ROBO2: variants seen among roughly 807,000 people sequenced by gnomAD.
ROBO2 encodes the protein roundabout homolog 2.
A neutral mutation model predicts 160.8 loss-of-function variants in ROBO2; 53 were observed. That is an observed-to-expected ratio of 0.33 (90% CI 0.26 to 0.41). The LOEUF is 0.41. Ranked by LOEUF, ROBO2 falls within the 10% of genes least tolerant of loss-of-function variation. The probability of loss-of-function intolerance (pLI) is 1.00; values close to 1 mark genes in which losing one functional copy is unlikely to be tolerated. For missense variants in ROBO2, 1,577 were observed against 1,722.4 expected (o/e 0.92, Z 1.49); for synonymous variants, 664 against 611.7 (o/e 1.09, Z -1.26).
intron 2 of ROBO2, among the ~76,000 whole-genome samples, chr3:77,295,042 T>C (rs1053404975): frequency 2.7e-5 from 4 of 149,916 alleles, no homozygotes; most frequent in African/African-American, 9.9e-5. Flanking sequence ...TAAAGAAAAA[T>C]TGATGCTTAA....
At chr3:77,002,615 T>C (rs531337570) in intron 2 of ROBO2, among the ~76,000 whole-genome samples, 83 of 152,192 alleles carry the variant, frequency 5.5e-4, no homozygotes, top group Non-Finnish European at 1.2e-3. Flanking sequence ...TACACAAATA[T>C]AATAATTCAT....
intron 2 of ROBO2, among the ~76,000 whole-genome samples, chr3:76,522,898 A>T (rs2081711614): frequency 6.6e-6 from 1 of 151,558 alleles, no homozygotes; most frequent in African/African-American, 2.4e-5. Context: ...TTTATCTTAT[A>T]TGTGATGATT....
intron 2 of ROBO2, among the ~76,000 whole-genome samples, chr3:77,300,607 G>A (rs1390565234): frequency 6.6e-6 from 1 of 151,812 alleles, no homozygotes; most frequent in African/African-American, 2.4e-5. Context: ...AGAGGAAGAG[G>A]AAATTGCGAG....
At chr3:76,478,625 A>T (rs2079055414) in intron 2 of ROBO2, among the ~76,000 whole-genome samples, 1 of 151,708 alleles carries the variant, frequency 6.6e-6, no homozygotes, top group Non-Finnish European at 1.5e-5. Context: ...TTAAATGTGC[A>T]TTAAACAGTT....
chr3:77,296,819 C>T (rs1163367436), intron 2 of ROBO2, among the ~76,000 whole-genome samples: 1 of 152,056 alleles, frequency 6.6e-6, no homozygotes, highest in Non-Finnish European at 1.5e-5. Flanking sequence ...GAATAGCTGG[C>T]CAAGAAGAAG....
intron 2 of ROBO2, among the ~76,000 whole-genome samples, chr3:77,140,825 G>A (rs78475806): frequency 0.016 from 2,489 of 151,876 alleles, 25 homozygotes; most frequent in African/African-American, 0.027. Context: ...TACTTTTTAG[G>A]GGCTTTCTGT....
intron 1 of ROBO2, among the ~76,000 whole-genome samples, chr3:77,064,136 C>T (rs555579167): frequency 5.3e-5 from 8 of 151,996 alleles, no homozygotes; most frequent in Non-Finnish European, 1.2e-4. Flanking sequence ...ACTTATTATG[C>T]TTTTTGTTAT....
At chr3:76,005,594 T>C (rs1412804841) in intron 2 of ROBO2, among the ~76,000 whole-genome samples, 1 of 152,226 alleles carries the variant, frequency 6.6e-6, no homozygotes, top group East Asian at 1.9e-4. Flanking sequence ...ATGGATAGAC[T>C]TGACCTACAG....
intron 1 of ROBO2, among the ~76,000 whole-genome samples, chr3:75,936,978 T>C (rs1947811453): frequency 6.6e-6 from 1 of 152,098 alleles, no homozygotes; most frequent in Non-Finnish European, 1.5e-5. Context: ...AATCTCTTTA[T>C]TCAGTTAATT....
intron 2 of ROBO2, among the ~76,000 whole-genome samples, chr3:76,358,237 C>G (rs890160068): frequency 6.6e-6 from 1 of 151,910 alleles, no homozygotes; most frequent in Non-Finnish European, 1.5e-5. Context: ...TAGAGATTTG[C>G]TTCATTTTTC....
At chr3:76,083,848 C>G (rs2068920121) in intron 2 of ROBO2, among the ~76,000 whole-genome samples, 1 of 152,126 alleles carries the variant, frequency 6.6e-6, no homozygotes, top group African/African-American at 2.4e-5. Context: ...CACCAAAATT[C>G]CATTATGGCA....
chr3:77,253,495 A>G (rs2090609135), intron 2 of ROBO2, among the ~76,000 whole-genome samples: 1 of 152,238 alleles, frequency 6.6e-6, no homozygotes, highest in African/African-American at 2.4e-5. Context: ...ATCTTTTAAA[A>G]AAATTAAATC....
chr3:76,280,348 T>C (rs1708165263), intron 2 of ROBO2, among the ~76,000 whole-genome samples: 1 of 152,058 alleles, frequency 6.6e-6, no homozygotes, highest in South Asian at 2.1e-4. Flanking sequence ...TTAAATGAAT[T>C]CATAAGGGCA....
intron 2 of ROBO2, among the ~76,000 whole-genome samples, chr3:76,487,014 A>T (rs895837642): frequency 3.3e-5 from 5 of 152,126 alleles, no homozygotes. Context: ...TTGTCCCCCA[A>T]GTTGGAGTGC....
chr3:76,331,863 T>G (rs567292870), intron 2 of ROBO2, among the ~76,000 whole-genome samples: 1 of 152,088 alleles, frequency 6.6e-6, no homozygotes, highest in Non-Finnish European at 1.5e-5. Flanking sequence ...TTTGTATTTT[T>G]AGTAGAGACG....
chr3:76,340,205 T>C (rs1024527574), intron 2 of ROBO2, among the ~76,000 whole-genome samples: 2 of 151,802 alleles, frequency 1.3e-5, no homozygotes, highest in African/African-American at 4.8e-5. Context: ...ACTTGAAAAA[T>C]ACAAAGATGA....
chr3:77,041,981 G>C (rs1445865422), intron 1 of ROBO2, among the ~76,000 whole-genome samples: 2 of 152,118 alleles, frequency 1.3e-5, no homozygotes, highest in Non-Finnish European at 2.9e-5. Context: ...TGCCTATTTT[G>C]GCCCATCTGA....
At chr3:77,009,113 A>G (rs966092181) in intron 2 of ROBO2, among the ~76,000 whole-genome samples, 3 of 152,344 alleles carry the variant, frequency 2.0e-5, no homozygotes, top group Non-Finnish European at 4.4e-5. Flanking sequence ...GTAAGATTAA[A>G]TGAGATAATC....
At chr3:76,321,840 T>C (rs994029420) in intron 2 of ROBO2, among the ~76,000 whole-genome samples, 1 of 152,138 alleles carries the variant, frequency 6.6e-6, no homozygotes, top group African/African-American at 2.4e-5. Flanking sequence ...GGAACAATTC[T>C]GTGTGCGTTA....
Sources: gnomAD v4.1 joint callset for allele counts (sites outside exome capture counted in the v4.1 genomes callset) on GRCh38, gnomAD v4.1.1 for gene constraint, MANE v1.5 for transcripts, NCBI Gene and HGNC (gene_info 2026-07-23, HGNC 2026-07-21) for gene names.